The following GRIK2 variants were observed in gnomAD, a reference collection of about 807,000 sequenced individuals.
GRIK2 encodes the protein glutamate receptor ionotropic, kainate 2.
A neutral mutation model predicts 100.3 loss-of-function variants in GRIK2; 32 were observed. The observed-to-expected ratio is 0.32, with a 90% confidence interval of 0.24 to 0.43. GRIK2 has a LOEUF of 0.43. GRIK2 is among the 20% of genes least tolerant of loss of function. The pLI is 1.00. For synonymous variants in GRIK2, 417 were observed against 389.4 expected (o/e 1.07, Z -0.83); for missense variants, 843 against 1,114.9 (o/e 0.76, Z 3.47).
chr6:101,575,739 A>C (rs1300505814), intron 2 of GRIK2, among the ~76,000 whole-genome samples: 1 of 152,090 alleles, frequency 6.6e-6, no homozygotes, highest in Admixed American at 6.6e-5. Flanking sequence ...ACCGTAAACC[A>C]TAAGATTAAT....
chr6:101,621,101 C>T (rs1780134957), intron 2 of GRIK2, among the ~76,000 whole-genome samples: 1 of 152,090 alleles, frequency 6.6e-6, no homozygotes, highest in African/African-American at 2.4e-5. Context: ...AAGCAACTAG[C>T]AAAATGCTAA....
At chr6:101,772,930 A>G (rs540139814) in intron 7 of GRIK2, among the ~76,000 whole-genome samples, 9 of 152,214 alleles carry the variant, frequency 5.9e-5, no homozygotes, top group African/African-American at 2.2e-4. Flanking sequence ...TTGATTTCCA[A>G]GTTTTATTGC....
At chr6:101,497,937 C>T (rs947044312) in intron 2 of GRIK2, among the ~76,000 whole-genome samples, 3 of 151,454 alleles carry the variant, frequency 2.0e-5, no homozygotes, top group Non-Finnish European at 2.9e-5. Flanking sequence ...TACATATGTA[C>T]ACATGTGCCA....
At chr6:101,601,494 G>C (rs774209014) in intron 2 of GRIK2, among the ~76,000 whole-genome samples, 2 of 151,946 alleles carry the variant, frequency 1.3e-5, no homozygotes, top group African/African-American at 4.8e-5. Context: ...TTTTGGAATA[G>C]TTCTGGTAGA....
intron 7 of GRIK2, among the ~76,000 whole-genome samples, chr6:101,689,205 G>T (rs1385422132): frequency 6.6e-6 from 1 of 152,004 alleles, no homozygotes; most frequent in Non-Finnish European, 1.5e-5. Flanking sequence ...TGGCATTGTG[G>T]CATTGGCAAC....
intron 2 of GRIK2, among the ~76,000 whole-genome samples, chr6:101,456,132 T>G (rs2518223): frequency 6.8e-6 from 1 of 148,066 alleles, no homozygotes. Flanking sequence ...TTTTTTTTTT[T>G]AAAAAAAGAG....
chr6:101,574,496 G>C (rs1777708998), intron 2 of GRIK2, among the ~76,000 whole-genome samples: 2 of 151,166 alleles, frequency 1.3e-5, no homozygotes, highest in Non-Finnish European at 3.0e-5. Context: ...AAACAAACAT[G>C]TAAATGAAGA....
intron 2 of GRIK2, among the ~76,000 whole-genome samples, chr6:101,519,718 C>T (rs190311338): frequency 6.6e-6 from 1 of 151,986 alleles, no homozygotes; most frequent in African/African-American, 2.4e-5. Context: ...TGAACCATTG[C>T]CGGTACTTAA....
intron 7 of GRIK2, among the ~76,000 whole-genome samples, chr6:101,719,410 G>T (rs1774313162): frequency 6.6e-6 from 1 of 151,680 alleles, no homozygotes; most frequent in Non-Finnish European, 1.5e-5. Flanking sequence ...GGTAATATTT[G>T]ATTTTATGTC....
chr6:101,966,302 A>G (rs966789090), intron 14 of GRIK2, among the ~76,000 whole-genome samples: 2 of 152,160 alleles, frequency 1.3e-5, no homozygotes. Context: ...GCAGAAGTTT[A>G]ATATAAAAGA....
chr6:101,784,992 T>C (rs1779332980), intron 7 of GRIK2, among the ~76,000 whole-genome samples: 1 of 152,220 alleles, frequency 6.6e-6, no homozygotes, highest in African/African-American at 2.4e-5. Flanking sequence ...TAAGAACTAT[T>C]CAAACTCGGG....
At chr6:101,440,890 G>GTT (rs71547429) in intron 2 of GRIK2, among the ~76,000 whole-genome samples, 44 of 139,774 alleles carry the variant, frequency 3.1e-4, no homozygotes, top group Middle Eastern at 3.8e-3. Flanking sequence ...ATGCTTTTTT[G>GTT]TTTTTTTTTT....
intron 2 of GRIK2, among the ~76,000 whole-genome samples, chr6:101,562,382 A>T (rs1038404470): frequency 2.0e-5 from 3 of 152,094 alleles, no homozygotes. Flanking sequence ...TCTGTTGCCC[A>T]AGCTGGAATG....
intron 14 of GRIK2, among the ~76,000 whole-genome samples, chr6:101,967,306 A>G (rs1012249220): frequency 1.1e-4 from 16 of 152,030 alleles, no homozygotes; most frequent in Non-Finnish European, 1.9e-4. Flanking sequence ...TCTTTAAATC[A>G]TTATTAAACC....
intron 2 of GRIK2, among the ~76,000 whole-genome samples, chr6:101,537,145 G>T (rs532119679): frequency 6.6e-6 from 1 of 151,656 alleles, no homozygotes; most frequent in East Asian, 1.9e-4. Context: ...ATTTATTCCC[G>T]TGGAGGACTC....
At chr6:102,065,104 A>G (rs113385216) in intron 16 of GRIK2, among the ~76,000 whole-genome samples, 1 of 151,432 alleles carries the variant, frequency 6.6e-6, no homozygotes, top group African/African-American at 2.4e-5. Flanking sequence ...TATGTAATCG[A>G]GACCATTGAT....
intron 15 of GRIK2, among the ~76,000 whole-genome samples, chr6:102,036,846 CAT>C (rs1234489546): frequency 6.6e-6 from 1 of 151,218 alleles, no homozygotes; most frequent in African/African-American, 2.4e-5. Flanking sequence ...GGAAAAAAGT[CAT>C]AGCATATTTT....
rs564250545 is a variant in GRIK2 at position 101,505,326 on chromosome 6, A to G, written c.115+105934A>G. 5.3e-5 allele frequency among the ~76,000 whole-genome samples: 8 copies of G among 152,178 alleles called. No individual in the cohort carries two copies. The South Asian group carries it at 1.2e-3, about 24-fold the overall frequency. ...GTTGCTCAAACTTATGTCAGTTGCA[A>G]ATGACTTGCCGAAGCTTTCCTCAGT... On this transcript the variant is annotated intron_variant, in intron 2 of 16. Transcript: ENST00000369134.
chr6:101,732,986 TAAATC>T (rs1471226728), intron 7 of GRIK2, among the ~76,000 whole-genome samples: 1 of 152,092 alleles, frequency 6.6e-6, no homozygotes, highest in Non-Finnish European at 1.5e-5. Flanking sequence ...TCATATATAA[TAAATC>T]AAATGACTTT....
Sources: allele counts gnomAD v4.1 joint callset (sites outside exome capture counted in the v4.1 genomes callset), GRCh38; gene constraint gnomAD v4.1.1; transcripts MANE v1.5; gene names NCBI Gene and HGNC (gene_info 2026-07-23, HGNC 2026-07-21).